MTHFD1L: variants seen among roughly 807,000 people sequenced by gnomAD.
MTHFD1L encodes the protein monofunctional C1-tetrahydrofolate synthase, mitochondrial.
Under a neutral mutation model 119.5 loss-of-function variants are expected in MTHFD1L, and 81 were observed. The ratio of observed to expected loss-of-function variants is 0.68; its 90% confidence interval spans 0.57 to 0.82. The LOEUF is 0.82. MTHFD1L is among the 40% of genes least tolerant of loss of function. MTHFD1L has a pLI of 0.00. For synonymous variants in MTHFD1L, 430 were observed against 475.2 expected, an observed-to-expected ratio of 0.90 and a Z score of 1.24; for missense variants, 1,125 against 1,253.4, an observed-to-expected ratio of 0.90 and a Z score of 1.55.
chr6:150,989,750 C>T (rs915905143), intron 20 of MTHFD1L, among the ~76,000 whole-genome samples: 12 of 152,078 alleles, frequency 7.9e-5, no homozygotes, highest in African/African-American at 2.9e-4. Flanking sequence ...AACAACAAGA[C>T]CTGAATAAAT....
At chr6:151,014,841 T>C (rs1459317759) in intron 22 of MTHFD1L, 39 bp from the exon 23 acceptor site, 3 of 1,554,324 alleles carry the variant, frequency 1.9e-6, no homozygotes, top group South Asian at 1.1e-5. Flanking sequence ...TGGGAGACAA[T>C]ACACAGGGGT....
chr6:150,960,321 C>A lies in MTHFD1L; in HGVS notation c.1850C>A (p.Ala617Asp). The change falls in exon 18 of 28, where the codon GCC becomes GAC. Residue 617 changes from alanine to aspartate, a missense_variant. Ala to Asp is a moderately radical substitution (Grantham distance 126, BLOSUM62 -2). Coordinates refer to ENST00000367321, the MANE Select transcript of MTHFD1L (RefSeq NM_015440.5). Reference sequence around the variant, plus strand: ...GCCAGCGAGATCATGGCGGTGCTGGCCCTGACGGACAGCCTCGCAGACATG... The same window carrying A: ...GCCAGCGAGATCATGGCGGTGCTGGACCTGACGGACAGCCTCGCAGACATG... ...AVASEIMAVLALTDSLADMKA... is the reference protein window; with the variant it reads ...AVASEIMAVLDLTDSLADMKA... 1 of 1,614,024 alleles carries A rather than the reference C, an allele frequency of 6.2e-7. No individual in the cohort carries two copies.
chr6:150,908,936 C>T (rs538600378), intron 8 of MTHFD1L, among the ~76,000 whole-genome samples: 1 of 151,956 alleles, frequency 6.6e-6, no homozygotes, highest in East Asian at 1.9e-4. Flanking sequence ...ATGAGAAGAA[C>T]TTTTAATAAA....
In MTHFD1L at chr6:150,905,709, T is replaced by C. The variant is rs773851182; in HGVS notation, c.840T>C (p.Thr280=). The C allele has an allele frequency of 2.5e-6, 4 of 1,614,174 alleles. No homozygotes were observed. Among genetic ancestry groups the C allele is most frequent in the African/African-American group, 1.3e-5 (1 of 75,052 alleles). ...GSPKPEEIPL[T]WIQPGTTVLN... ...CTAAGCCAGAAGAGATTCCCCTTAC[T>C]TGGATACAACCAGGAACTACTGTTC... is the stretch of plus-strand genomic sequence containing the variant. The change falls in exon 8 of 28, where the codon ACT becomes ACC. Residue 280 remains threonine (T), a synonymous_variant. Transcript: ENST00000367321.
chr6:151,080,199 A>G (rs1562638160), intron 26 of MTHFD1L, among the ~76,000 whole-genome samples: 1 of 152,006 alleles, frequency 6.6e-6, no homozygotes, highest in Non-Finnish European at 1.5e-5. Flanking sequence ...AAATAATCCT[A>G]TTGGTCTCAT....
intron 20 of MTHFD1L, among the ~76,000 whole-genome samples, chr6:150,992,130 G>A (rs776010898): frequency 6.6e-6 from 1 of 152,156 alleles, no homozygotes; most frequent in Non-Finnish European, 1.5e-5. Context: ...TCGAATAAGT[G>A]AAGGGAAAGA....
chr6:151,031,204 A>G (rs187821081), intron 24 of MTHFD1L, among the ~76,000 whole-genome samples: 3 of 152,336 alleles, frequency 2.0e-5, no homozygotes, highest in Admixed American at 1.3e-4. Context: ...TTCCTTAAAC[A>G]CTGCACTCAA....
At chr6:150,959,444 C>T (rs9478870) in intron 17 of MTHFD1L, among the ~76,000 whole-genome samples, 20,538 of 152,248 alleles carry the variant, frequency 0.13, 1,819 homozygotes, top group Middle Eastern at 0.28. Context: ...AGTACACATT[C>T]CTGTGTCCCT....
At chr6:150,981,224 T>C (rs890309401) in intron 20 of MTHFD1L, among the ~76,000 whole-genome samples, 1 of 152,216 alleles carries the variant, frequency 6.6e-6, no homozygotes, top group African/African-American at 2.4e-5. Context: ...CTGTTCCACG[T>C]TGATTTTCAC....
At position 150,887,886 on chromosome 6, in the gene MTHFD1L, C is replaced by G. The variant is rs763668586; in HGVS notation, c.685C>G (p.His229Asp). 2 of 1,608,810 alleles carry G rather than the reference C, an allele frequency of 1.2e-6. No homozygotes were observed. Among genetic ancestry groups the G allele is most frequent in the Non-Finnish European group, 8.5e-7 (1 of 1,177,930 alleles). ...AAAGAAGATTTTGGTAGTGGGGGCC[C>G]ATGGGTCTTTGGAAGCTGCTCTACA... The part of the protein sequence containing the change: ...DGKKILVVGA[H>D]GSLEAALQCL... Residue 229 changes from histidine (H) to aspartate (D), a missense_variant, in exon 7 of 28, where the codon CAT becomes GAT. By Grantham distance (81) the His-to-Asp change is moderately conservative (BLOSUM62 -1). Around this residue, in one of 3 missense-constraint regions of MTHFD1L, gnomAD observed 1,058 missense variants for 1,151.2 expected, o/e 0.92. Transcript: ENST00000367321.
intron 8 of MTHFD1L, among the ~76,000 whole-genome samples, chr6:150,915,337 C>T (rs1285333645): frequency 6.6e-6 from 1 of 152,094 alleles, no homozygotes; most frequent in Non-Finnish European, 1.5e-5. Flanking sequence ...ATTCTTCTTC[C>T]AGTGTGGCCC....
At chr6:151,021,798 G>A (rs181233423) in intron 24 of MTHFD1L, among the ~76,000 whole-genome samples, 1 of 152,348 alleles carries the variant, frequency 6.6e-6, no homozygotes, top group East Asian at 1.9e-4. Flanking sequence ...AGAATTGGGA[G>A]CCCTTAGTGA....
chr6:150,902,787 G>T (rs1286333903), intron 7 of MTHFD1L, among the ~76,000 whole-genome samples: 1 of 152,132 alleles, frequency 6.6e-6, no homozygotes, highest in Non-Finnish European at 1.5e-5. Context: ...AAGACACCAC[G>T]TGTAGGAAAC....
chr6:150,887,966 C>A lies in MTHFD1L; in HGVS notation c.765C>A (p.Arg255=). ...CAATGAGCATCCAGTGGAAAACACG[C>A]CAGCTTCAAAGCAAGGTAAATTTCA... ...SMTMSIQWKT[R]QLQSKLHEAD... The change falls in exon 7 of 28, where the codon CGC becomes CGA. Residue 255 remains arginine (R), a synonymous_variant. Transcript: ENST00000367321. The A allele has an allele frequency of 6.2e-7, 1 of 1,602,586 alleles. No homozygotes were observed. The highest frequency in any genetic ancestry group is 8.5e-7 in the Non-Finnish European group (1 of 1,175,766).
intron 1 of MTHFD1L, among the ~76,000 whole-genome samples, chr6:150,867,250 G>A (rs1421511183): frequency 6.6e-6 from 1 of 152,158 alleles, no homozygotes; most frequent in African/African-American, 2.4e-5. Context: ...GGAGTTCAGT[G>A]GTGCCATCTC....
rs141457652 is a variant in MTHFD1L, at chr6:150,909,065, C to G, written c.892+3304C>G. Among the ~76,000 whole-genome samples the G allele has an allele frequency of 5.2e-3, 785 of 152,048 alleles. 3 individuals carry two copies. The highest frequency in any genetic ancestry group is 0.018 in the African/African-American group (749 of 41,462). On this transcript the variant is annotated intron_variant, in intron 8 of 27. Transcript: ENST00000367321. Reference sequence around the variant, plus strand: ...TGGGATGTTGTGATTTATGATGAGGCAATTCTGTAGAGACATTTTATGGAA... The same window carrying G: ...TGGGATGTTGTGATTTATGATGAGGGAATTCTGTAGAGACATTTTATGGAA...
At chr6:150,963,770 A>G (rs932239849) in intron 18 of MTHFD1L, among the ~76,000 whole-genome samples, 1 of 152,170 alleles carries the variant, frequency 6.6e-6, no homozygotes, top group African/African-American at 2.4e-5. Context: ...CCCTAGAGCT[A>G]CCGTTACAAG....
intron 24 of MTHFD1L, among the ~76,000 whole-genome samples, chr6:151,025,133 G>A (rs956660423): frequency 3.9e-5 from 6 of 152,282 alleles, no homozygotes; most frequent in African/African-American, 9.6e-5. Context: ...CCCAGAGTCC[G>A]GTTACCCTCA....
intron 26 of MTHFD1L, among the ~76,000 whole-genome samples, chr6:151,048,938 C>T (rs1443490612): frequency 6.6e-6 from 1 of 152,196 alleles, no homozygotes; most frequent in African/African-American, 2.4e-5. Flanking sequence ...TCAATCCTGA[C>T]ACTGTCTACC....
Sources: gnomAD v4.1 joint callset for allele counts (sites outside exome capture counted in the v4.1 genomes callset) on GRCh38, gnomAD v4.1.1 for gene constraint, gnomAD v4.1.1 regional missense constraint, MANE v1.5 for transcripts, NCBI Gene and HGNC (gene_info 2026-07-23, HGNC 2026-07-21) for gene names.